SLC37A2: variants seen among roughly 807,000 people sequenced by gnomAD.
SLC37A2 encodes the protein solute carrier family 37 member 2.
Under a neutral mutation model 70.7 loss-of-function variants are expected in SLC37A2, and 59 were observed. The ratio of observed to expected loss-of-function variants is 0.83; its 90% CI spans 0.68 to 1.04. The LOEUF is 1.04. Ranked by LOEUF, SLC37A2 falls within the 50% of genes least tolerant of loss-of-function variation. SLC37A2 has a pLI of 0.00. For synonymous variants in SLC37A2, 257 were observed against 262.1 expected, an observed-to-expected ratio of 0.98 and a Z score of 0.19; for missense variants, 580 against 658.1, an observed-to-expected ratio of 0.88 and a Z score of 1.30.
At chr11:125,076,214 G>A (rs2135566936) in intron 1 of SLC37A2, among the ~76,000 whole-genome samples, 1 of 152,218 alleles carries the variant, frequency 6.6e-6, no homozygotes, top group East Asian at 1.9e-4. Context: ...AGAGGGCTGG[G>A]GTCTGTCACC....
rs112513477 is a variant in SLC37A2 at position 125,080,592 on chromosome 11, C to T, written c.528-22C>T. The T allele has an allele frequency of 0.039, 57,095 of 1,453,994 alleles. 1,226 individuals are homozygous for T. Among genetic ancestry groups the T allele is most frequent in the South Asian group, 0.043 (2,936 of 67,664 alleles). 90.1% of individuals were successfully genotyped at this position (1,453,994 alleles called of 1,614,324 possible). A position where few individuals can be genotyped will look rare whatever the true frequency, so the allele number is the denominator to read the frequency against. On this transcript the variant is annotated intron_variant, in intron 6 of 17. Coordinates refer to ENST00000403796, the MANE Select transcript of SLC37A2 (RefSeq NM_001145290.2). This position sits in a 1 kb window ranked among gnomAD's most constrained non-coding sequence, Gnocchi z 4.3. ...TTGCTTTTTACTTTTTATACCTCTTCCCTTCTCTCCCTCCCTTCCAGGCGG... is the reference window on the plus strand; with the variant it reads ...TTGCTTTTTACTTTTTATACCTCTTTCCTTCTCTCCCTCCCTTCCAGGCGG...
chr11:125,087,420 A>G (rs1949231281), intron 17 of SLC37A2: 1 of 152,588 alleles, frequency 6.6e-6, no homozygotes, highest in Admixed American at 6.5e-5. Flanking sequence ...ACCCCTGGAC[A>G]GTCCTGCTTT....
intron 1 of SLC37A2, among the ~76,000 whole-genome samples, chr11:125,064,008 C>T (rs1489375852): frequency 6.6e-6 from 1 of 152,200 alleles, no homozygotes; most frequent in South Asian, 2.1e-4. Context: ...CAGAGGTTCT[C>T]TTCCTGACCG....
At chr11:125,079,813 T>C in intron 6 of SLC37A2, 53 bp downstream of exon 6, 1 of 1,384,554 alleles carries the variant, frequency 7.2e-7, no homozygotes, top group Non-Finnish European at 1.0e-6. Context: ...CTGGGGGTCC[T>C]GAGCTGGTCA....
At chr11:125,067,924 C>A (rs185998299) in intron 1 of SLC37A2, among the ~76,000 whole-genome samples, 2 of 152,346 alleles carry the variant, frequency 1.3e-5, no homozygotes, top group East Asian at 3.8e-4. Flanking sequence ...TCATACCTCT[C>A]TGCCACGATT....
chr11:125,086,520 T>G, intron 17 of SLC37A2: 1 of 482,634 alleles, frequency 2.1e-6, no homozygotes, highest in East Asian at 4.0e-5. Context: ...GAGGCAGAAA[T>G]AGGGAAACCA....
rs1949188147 is a variant in SLC37A2, at chr11:125,084,852, G to T, written c.1153G>T (p.Asp385Tyr). The T allele has an allele frequency of 3.1e-6, 5 of 1,613,774 alleles. 1 individual carries two copies. The South Asian group carries it at 5.5e-5, about 18-fold the overall frequency. ...MMFLYNYIGQ[D>Y]GIASSIVMLI... ...GTTCCTGTACAACTACATTGGCCAG[G>T]ACGGGATTGCCAGCTCCATAGGTGA... The change falls in exon 13 of 18, where the codon GAC becomes TAC. Residue 385 changes from aspartate to tyrosine, a missense_variant. Physicochemically the swap from Asp to Tyr is radical, Grantham distance 160. Transcript: ENST00000403796.
chr11:125,081,665 A>G (rs948719031), intron 8 of SLC37A2, 89 bp from the exon 9 acceptor site: 5 of 1,483,540 alleles, frequency 3.4e-6, no homozygotes, highest in Non-Finnish European at 4.5e-6. Context: ...CCATCCTGGG[A>G]GCCAGTGTCT....
intron 10 of SLC37A2, 122 bp downstream of exon 10, chr11:125,082,456 C>T: frequency 1.2e-6 from 1 of 849,060 alleles, no homozygotes; most frequent in African/African-American, 1.7e-5. Context: ...TCCTGCTGAA[C>T]CTCTCCTAGA....
intron 1 of SLC37A2, among the ~76,000 whole-genome samples, chr11:125,064,156 C>T (rs899846927): frequency 6.6e-6 from 1 of 152,190 alleles, no homozygotes; most frequent in African/African-American, 2.4e-5. Context: ...ATTTACAAAT[C>T]ATAAAATTTA....
At position 125,076,097 on chromosome 11, in the gene SLC37A2, G is replaced by A. The variant is rs369914704; in HGVS notation, c.60-660G>A. The stretch of plus-strand genomic sequence containing the variant: ...CCGCCTGCACTGTTCTTTCCATCCC[G>A]GGCCAGGGCATGGGATGAGACGTGA... On this transcript the variant is annotated intron_variant, in intron 1 of 17. Coordinates refer to ENST00000403796, the MANE Select transcript of SLC37A2 (RefSeq NM_001145290.2). 5.9e-5 allele frequency among the ~76,000 whole-genome samples: 9 copies of A among 152,210 alleles called. No homozygotes were observed. The South Asian group carries it at 1.2e-3, about 21-fold the overall frequency.
chr11:125,081,887 T>C lies in SLC37A2; in HGVS notation c.866T>C (p.Phe289Ser). ...PCEEPAAISFFGALRIPGVVE... is the reference protein window; with the variant it reads ...PCEEPAAISFSGALRIPGVVE... ...GAAGAGCCTGCTGCCATCAGCTTCT[T>C]TGGGGCGCTCCGGATCCCAGTAAGA... Residue 289 changes from phenylalanine (F) to serine (S), a missense_variant, in exon 9 of 18, where the codon TTT becomes TCT. Phe to Ser is a radical substitution (Grantham distance 155). Transcript: ENST00000403796. The C allele has an allele frequency of 1.2e-6, 2 of 1,611,776 alleles. No individual in the cohort carries two copies. Among genetic ancestry groups the C allele is most frequent in the Non-Finnish European group, 1.7e-6 (2 of 1,179,120 alleles).
intron 1 of SLC37A2, among the ~76,000 whole-genome samples, chr11:125,075,568 G>A (rs1162056706): frequency 6.6e-6 from 1 of 152,230 alleles, no homozygotes; most frequent in East Asian, 1.9e-4. Flanking sequence ...TTTTAGCAGA[G>A]CTGTGGAGGG....
chr11:125,075,446 A>G (rs898617945), intron 1 of SLC37A2, among the ~76,000 whole-genome samples: 1 of 152,330 alleles, frequency 6.6e-6, no homozygotes, highest in East Asian at 1.9e-4. Flanking sequence ...TGTGACCCAC[A>G]TGTGTGCCTT....
At chr11:125,078,170 G>A (rs4074187) in intron 4 of SLC37A2, among the ~76,000 whole-genome samples, 46,854 of 152,126 alleles carry the variant, frequency 0.31, 7,652 homozygotes, top group African/African-American at 0.41. Context: ...GGAATAGCAC[G>A]AGCAAGTAGG....
chr11:125,082,230 G>A lies in SLC37A2; in HGVS notation c.886-14G>A, dbSNP rs376610894. ...CTGGACCCCTTCCCATGTGCCCCCT[G>A]TTGCACTCCCCAGGGCGTGGTCGAG... On this transcript the variant is annotated splice_polypyrimidine_tract_variant and intron_variant, in intron 9 of 17. Transcript: ENST00000403796. 6.2e-7 allele frequency: 1 copy of A among 1,613,804 alleles called. No individual in the cohort carries two copies. The highest frequency in any genetic ancestry group is 8.5e-7 in the Non-Finnish European group (1 of 1,179,784).
intron 16 of SLC37A2, 96 bp downstream of exon 16, chr11:125,085,770 TG>T: frequency 7.1e-7 from 1 of 1,407,312 alleles, no homozygotes; most frequent in East Asian, 2.3e-5. Flanking sequence ...TTTGGGGTTC[TG>T]GGGCAATGAG....
intron 1 of SLC37A2, among the ~76,000 whole-genome samples, chr11:125,071,143 G>A (rs763251149): frequency 3.9e-5 from 6 of 151,982 alleles, no homozygotes; most frequent in African/African-American, 9.7e-5. Flanking sequence ...TGTGTGGGGT[G>A]GGGGGGCGGT....
intron 1 of SLC37A2, among the ~76,000 whole-genome samples, chr11:125,068,149 G>A (rs1226415507): frequency 6.6e-6 from 1 of 152,004 alleles, no homozygotes; most frequent in African/African-American, 2.4e-5. Flanking sequence ...ATTCAGCTAC[G>A]GTATTCCCCA....
Sources: gnomAD v4.1 joint callset for allele counts (sites outside exome capture counted in the v4.1 genomes callset) on GRCh38, gnomAD v4.1.1 for gene constraint, Gnocchi (gnomAD v3.1) non-coding constraint, MANE v1.5 for transcripts, NCBI Gene and HGNC (gene_info 2026-07-23, HGNC 2026-07-21) for gene names.